PDE1A: variants seen among roughly 807,000 people sequenced by gnomAD.
The protein encoded by PDE1A is dual specificity calcium/calmodulin-dependent 3',5'-cyclic nucleotide phosphodiesterase 1A.
PDE1A carries 35 observed loss-of-function variants against 61.7 expected under a neutral mutation model. The ratio of observed to expected loss-of-function variants is 0.57; its 90% CI spans 0.43 to 0.75. PDE1A has a LOEUF of 0.75. Ranked by LOEUF, PDE1A falls within the 30% of genes least tolerant of loss-of-function variation. The pLI is 0.00. For synonymous variants in PDE1A, 232 were observed against 213.2 expected (o/e 1.09, Z -0.77); for missense variants, 597 against 630.6 (o/e 0.95, Z 0.57).
chr2:182,355,316 A>C (rs989470248), intron 1 of PDE1A, among the ~76,000 whole-genome samples: 1 of 151,998 alleles, frequency 6.6e-6, no homozygotes. Flanking sequence ...TTTGATACTC[A>C]CAGTATAAAG....
chr2:182,226,103 C>T (rs1432533), intron 6 of PDE1A, among the ~76,000 whole-genome samples: 105,547 of 148,830 alleles, frequency 0.71, 38,616 homozygotes, highest in African/African-American at 0.82. Flanking sequence ...TGGAAAAAAA[C>T]CACTTATTTA....
At chr2:182,664,795 A>G in the PDE1A span, among the ~76,000 whole-genome samples, 1 of 152,226 alleles carries the variant, frequency 6.6e-6, no homozygotes, top group South Asian at 2.1e-4. Context: ...CAAAGGCTTC[A>G]TGATACCAAG....
At chr2:182,646,971 A>C in the PDE1A span, among the ~76,000 whole-genome samples, 1 of 152,222 alleles carries the variant, frequency 6.6e-6, no homozygotes, top group Non-Finnish European at 1.5e-5. Context: ...CCATGCTGAT[A>C]ATTGGATTCC....
rs192192678 is a variant in PDE1A at position 182,152,776 on chromosome 2, G to A, written c.1517-5624C>T. Among the ~76,000 whole-genome samples the A allele has an allele frequency of 5.9e-4, 89 of 152,122 alleles. No homozygotes were observed. The East Asian group carries it at 0.016, about 28-fold the overall frequency. ...GGAGAAGAAGCAGTTGTATGTGTTC[G>A]TTTACTTTGCAGTATGCGTGAAGGC... On this transcript the variant is annotated intron_variant, in intron 13 of 13. Coordinates refer to the PDE1A transcript ENST00000409365.
chr2:182,476,319 CGT>C (rs1313905200), intron 2 of PDE1A, among the ~76,000 whole-genome samples: 1 of 151,748 alleles, frequency 6.6e-6, no homozygotes, highest in Admixed American at 6.6e-5. Context: ...GACAAAACCC[CGT>C]CTCTACCAAA....
At chr2:182,308,235 A>G (rs1169246066) in intron 1 of PDE1A, among the ~76,000 whole-genome samples, 1 of 152,152 alleles carries the variant, frequency 6.6e-6, no homozygotes, top group Non-Finnish European at 1.5e-5. Context: ...AATAACTAGG[A>G]AACATAAAAA....
At chr2:182,559,725 C>A in the PDE1A span, among the ~76,000 whole-genome samples, 5 of 152,036 alleles carry the variant, frequency 3.3e-5, no homozygotes, top group Non-Finnish European at 7.4e-5. Flanking sequence ...TGAAAACTAC[C>A]CCAAATGCTC....
At chr2:182,335,671 G>A (rs891894728) in intron 1 of PDE1A, among the ~76,000 whole-genome samples, 1 of 152,080 alleles carries the variant, frequency 6.6e-6, no homozygotes, top group Admixed American at 6.6e-5. Flanking sequence ...AACCCTAGAA[G>A]AAAACCTAGG....
chr2:182,602,992 C>CACATACAT, the PDE1A span, among the ~76,000 whole-genome samples: 276 of 130,482 alleles, frequency 2.1e-3, 1 homozygote, highest in South Asian at 7.5e-3. Context: ...CACACACACA[C>CACATACAT]ACATACATAC....
chr2:182,687,577 T>C, the PDE1A span, among the ~76,000 whole-genome samples: 1 of 151,874 alleles, frequency 6.6e-6, no homozygotes, highest in African/African-American at 2.4e-5. Context: ...ACCACAAAGA[T>C]GGGGAAAAAA....
the PDE1A span, among the ~76,000 whole-genome samples, chr2:182,571,359 T>C: frequency 6.6e-6 from 1 of 152,114 alleles, no homozygotes; most frequent in Non-Finnish European, 1.5e-5. Context: ...ATAGAAGAGA[T>C]GATAGGACTG....
In PDE1A at chr2:182,374,560, G is replaced by GA. The variant is rs1220278832; in HGVS notation, c.53+52017dup. Among the ~76,000 whole-genome samples the GA allele has an allele frequency of 2.0e-5, 3 of 151,928 alleles. No homozygotes were observed. In the South Asian group the frequency reaches 6.2e-4, roughly 32 times the overall value. ...ATAAAAATTCAAGTAAGAATTAGAA[G>GA]AAAAAATTCATCAGACATATATCTG... is the stretch of plus-strand genomic sequence containing the variant. On this transcript the variant is annotated intron_variant, in intron 1 of 13. Coordinates refer to ENST00000351439, the Ensembl canonical transcript of PDE1A.
intron 7 of PDE1A, among the ~76,000 whole-genome samples, chr2:182,207,920 C>T (rs1426135730): frequency 1.3e-5 from 2 of 152,230 alleles, no homozygotes; most frequent in Non-Finnish European, 1.5e-5. Flanking sequence ...AGGGTGAAAG[C>T]CCCAAGCCTT....
chr2:182,448,028 C>T (rs777023702), intron 2 of PDE1A, among the ~76,000 whole-genome samples: 4 of 152,138 alleles, frequency 2.6e-5, no homozygotes, highest in East Asian at 1.9e-4. Flanking sequence ...ACAACCCTGG[C>T]GTTACTGCTA....
At chr2:182,707,852 G>T in the PDE1A span, among the ~76,000 whole-genome samples, 2 of 152,178 alleles carry the variant, frequency 1.3e-5, no homozygotes, top group South Asian at 2.1e-4. Context: ...CTAGAGGCTG[G>T]AAAGGGTAGC....
the PDE1A span, among the ~76,000 whole-genome samples, chr2:182,547,235 G>T: frequency 1.3e-5 from 2 of 151,990 alleles, no homozygotes; most frequent in South Asian, 4.1e-4. Context: ...CCATCTCGTT[G>T]TTGGGTTCCT....
intron 2 of PDE1A, among the ~76,000 whole-genome samples, chr2:182,492,888 C>T (rs965435411): frequency 3.3e-5 from 5 of 152,114 alleles, no homozygotes; most frequent in African/African-American, 1.2e-4. Flanking sequence ...ATTGGCACTT[C>T]CTTTGCTATG....
chr2:182,276,214 G>A (rs148312507), intron 1 of PDE1A, among the ~76,000 whole-genome samples: 1 of 151,916 alleles, frequency 6.6e-6, no homozygotes, highest in East Asian at 1.9e-4. Flanking sequence ...TTCCTAGAAT[G>A]TAGACAAAAA....
chr2:182,300,578 A>G (rs191016245), intron 1 of PDE1A, among the ~76,000 whole-genome samples: 1 of 152,316 alleles, frequency 6.6e-6, no homozygotes, highest in East Asian at 1.9e-4. Context: ...CTGAGCAGTT[A>G]CAAATGACTT....
Sources: allele counts gnomAD v4.1 joint callset (sites outside exome capture counted in the v4.1 genomes callset), GRCh38; gene constraint gnomAD v4.1.1; transcripts MANE v1.5; gene names NCBI Gene and HGNC (gene_info 2026-07-23, HGNC 2026-07-21).